The following SLC35F4 variants were observed in gnomAD, a reference collection of about 807,000 sequenced individuals.
The protein encoded by SLC35F4 is chromosome 14 open reading frame 36.
Under a neutral mutation model 44.2 loss-of-function variants are expected in SLC35F4, and 24 were observed. The observed-to-expected ratio is 0.54, with a 90% CI of 0.39 to 0.76. The LOEUF (loss-of-function observed/expected upper bound fraction) is 0.76, where lower values mean the gene tolerates loss of function less well. Among genes scored for constraint, SLC35F4 ranks in the 30% least tolerant of loss-of-function variants. The probability of loss-of-function intolerance (pLI) is 0.00; values close to 1 mark genes in which losing one functional copy is unlikely to be tolerated. For missense variants in SLC35F4, 562 were observed against 586.1 expected (o/e 0.96, Z 0.42); for synonymous variants, 238 against 223.6 (o/e 1.06, Z -0.57).
intron 1 of SLC35F4, among the ~76,000 whole-genome samples, chr14:57,937,594 AGAAAAG>A (rs1478469515): frequency 9.2e-5 from 3 of 32,472 alleles, no homozygotes; most frequent in African/African-American, 4.6e-4. Context: ...AAGAAAGAAA[AGAAAAG>A]AAAAGAAAAG....
intron 1 of SLC35F4, among the ~76,000 whole-genome samples, chr14:57,721,686 C>A (rs1271088647): frequency 6.6e-6 from 1 of 152,166 alleles, no homozygotes; most frequent in African/African-American, 2.4e-5. Flanking sequence ...TGGGACTCTG[C>A]AACTTGGAAT....
chr14:57,892,852 G>T (rs536420445), intron 1 of SLC35F4, among the ~76,000 whole-genome samples: 1 of 152,216 alleles, frequency 6.6e-6, no homozygotes, highest in East Asian at 1.9e-4. Context: ...AGTTCTCTCT[G>T]TGCATTCTTC....
intron 1 of SLC35F4, among the ~76,000 whole-genome samples, chr14:57,623,830 T>C (rs946845027): frequency 6.6e-6 from 1 of 152,196 alleles, no homozygotes; most frequent in African/African-American, 2.4e-5. Context: ...TAGCACTAAA[T>C]GCCCACGAGA....
At chr14:57,620,216 G>A (rs367983887) in intron 1 of SLC35F4, among the ~76,000 whole-genome samples, 4 of 152,074 alleles carry the variant, frequency 2.6e-5, no homozygotes, top group Non-Finnish European at 5.9e-5. Flanking sequence ...TCCTTGAGAA[G>A]AGCAACCCCA....
At chr14:57,770,858 A>G (rs2077347276) in intron 1 of SLC35F4, among the ~76,000 whole-genome samples, 1 of 152,166 alleles carries the variant, frequency 6.6e-6, no homozygotes, top group African/African-American at 2.4e-5. Context: ...TTGCATTTAA[A>G]ACCATGGGAA....
chr14:57,760,246 T>G (rs1837243916), intron 1 of SLC35F4, among the ~76,000 whole-genome samples: 1 of 152,198 alleles, frequency 6.6e-6, no homozygotes, highest in Non-Finnish European at 1.5e-5. Flanking sequence ...TTATTTTGCA[T>G]GTGGAAATCC....
At chr14:57,764,046 T>A (rs2140640957) in intron 1 of SLC35F4, among the ~76,000 whole-genome samples, 1 of 152,272 alleles carries the variant, frequency 6.6e-6, no homozygotes, top group East Asian at 1.9e-4. Flanking sequence ...CTCCATTTCC[T>A]GAGACGCCCA....
intron 1 of SLC35F4, among the ~76,000 whole-genome samples, chr14:57,712,879 T>C (rs2075848382): frequency 6.6e-6 from 1 of 152,208 alleles, no homozygotes; most frequent in African/African-American, 2.4e-5. Context: ...TTGGTCACAG[T>C]GAGTTAGAGC....
intron 1 of SLC35F4, among the ~76,000 whole-genome samples, chr14:57,678,323 A>G (rs1383405355): frequency 2.0e-5 from 3 of 152,100 alleles, no homozygotes; most frequent in African/African-American, 7.3e-5. Context: ...GGAAATGCTG[A>G]GAGATTTTGT....
At chr14:57,787,250 G>A (rs1675846216) in intron 1 of SLC35F4, among the ~76,000 whole-genome samples, 1 of 152,150 alleles carries the variant, frequency 6.6e-6, no homozygotes, top group South Asian at 2.1e-4. Context: ...AAGCCTCTAA[G>A]TAGTCTGGGA....
At chr14:57,831,653 C>T (rs1474275659) in intron 1 of SLC35F4, among the ~76,000 whole-genome samples, 2 of 152,144 alleles carry the variant, frequency 1.3e-5, no homozygotes, top group Admixed American at 6.5e-5. Flanking sequence ...GGGAATATTA[C>T]CATGTAATCA....
chr14:57,890,732 G>T (rs1888743919), intron 1 of SLC35F4, among the ~76,000 whole-genome samples: 1 of 152,074 alleles, frequency 6.6e-6, no homozygotes, highest in Admixed American at 6.6e-5. Flanking sequence ...GAATAAAAAT[G>T]ACAAATATTA....
chr14:57,670,434 T>A lies in SLC35F4; in HGVS notation c.104-76310A>T, dbSNP rs541669119. ...TTTAATTGTGATGTTAGGGTGTTAA[T>A]TTTAGATCTTTCCTGCTTTCTCTTG... is the stretch of plus-strand genomic sequence containing the variant. On this transcript the variant is annotated intron_variant, in intron 1 of 7. Coordinates refer to ENST00000556826, the MANE Select transcript of SLC35F4 (RefSeq NM_001306087.2). 6.6e-5 allele frequency among the ~76,000 whole-genome samples: 10 copies of A among 152,232 alleles called. 1 individual carries two copies. Among genetic ancestry groups the A allele is most frequent in the African/African-American group, 2.4e-4 (10 of 41,480 alleles).
At chr14:57,648,550 G>C (rs796137426) in intron 1 of SLC35F4, among the ~76,000 whole-genome samples, 2 of 152,224 alleles carry the variant, frequency 1.3e-5, no homozygotes, top group South Asian at 2.1e-4. Flanking sequence ...TGAATTACTA[G>C]TGGCTGTTTC....
rs1566930957 is a variant in SLC35F4 at position 57,925,500 on chromosome 14, AGGGAGGGAGGG to A, written n.282+56402_282+56412del. 4.6e-3 allele frequency among the ~76,000 whole-genome samples: 200 copies of A among 43,600 alleles called. 6 individuals carry two copies. The highest frequency in any genetic ancestry group is 0.015 in the African/African-American group (123 of 8,222). 28.6% of individuals were successfully genotyped at this position (43,600 alleles called of 152,430 possible). On this transcript the variant is annotated intron_variant and non_coding_transcript_variant, in intron 1 of 1. Transcript: ENST00000556568. ...AAAGAAGGAAGGAAGGAAGGAAGGG[AGGGAGGGAGGG>A]AGGGAGGGAGGGAGGGAGGGAGGGA...
intron 1 of SLC35F4, among the ~76,000 whole-genome samples, chr14:57,725,568 T>C (rs2140451920): frequency 1.3e-5 from 2 of 152,354 alleles, no homozygotes; most frequent in Middle Eastern, 6.8e-3. Flanking sequence ...GCATTGTTTC[T>C]GCCCAGGCAC....
chr14:57,778,677 A>C (rs2077549553), intron 1 of SLC35F4, among the ~76,000 whole-genome samples: 1 of 152,002 alleles, frequency 6.6e-6, no homozygotes, highest in South Asian at 2.1e-4. Flanking sequence ...ATATGTTCTT[A>C]TTGCCATATG....
At chr14:57,978,093 G>A (rs777935545) in intron 1 of SLC35F4, among the ~76,000 whole-genome samples, 3 of 152,090 alleles carry the variant, frequency 2.0e-5, no homozygotes, top group Admixed American at 6.5e-5. Flanking sequence ...ATCAGTGGGC[G>A]CCATTCTGAG....
At chr14:57,659,396 A>C (rs1177139956) in intron 1 of SLC35F4, among the ~76,000 whole-genome samples, 1 of 152,194 alleles carries the variant, frequency 6.6e-6, no homozygotes, top group Non-Finnish European at 1.5e-5. Flanking sequence ...AGAGTTTTTA[A>C]GTTCCTACAA....
Sources: allele counts gnomAD v4.1 joint callset (sites outside exome capture counted in the v4.1 genomes callset), GRCh38; gene constraint gnomAD v4.1.1; transcripts MANE v1.5; gene names NCBI Gene and HGNC (gene_info 2026-07-23, HGNC 2026-07-21).